The following AHI1 variants were observed in gnomAD, a reference collection of about 807,000 sequenced individuals.
AHI1 encodes the protein Abelson helper integration site 1.
Under a neutral mutation model 149.3 loss-of-function variants are expected in AHI1, and 123 were observed. That is an observed-to-expected ratio of 0.82 (90% confidence interval 0.71 to 0.96). AHI1 has a LOEUF of 0.96. AHI1 is among the 40% of genes least tolerant of loss of function. The pLI is 0.00. For synonymous variants in AHI1, 475 were observed against 459.8 expected (o/e 1.03, Z -0.42); for missense variants, 1,439 against 1,422.7 (o/e 1.01, Z -0.18).
chr6:135,295,732 A>G (rs1306176366), intron 27 of AHI1, among the ~76,000 whole-genome samples: 1 of 152,238 alleles, frequency 6.6e-6, no homozygotes, highest in Non-Finnish European at 1.5e-5. Context: ...AAGATGTAGG[A>G]GGGCAAAATT....
intron 23 of AHI1, among the ~76,000 whole-genome samples, chr6:135,390,330 C>G (rs560761766): frequency 5.9e-5 from 9 of 152,176 alleles, no homozygotes; most frequent in Non-Finnish European, 8.8e-5. Context: ...GATGTAAGTT[C>G]ATTAATCCTC....
chr6:135,392,335 T>A (rs778644995), intron 23 of AHI1, among the ~76,000 whole-genome samples: 1 of 152,156 alleles, frequency 6.6e-6, no homozygotes, highest in Non-Finnish European at 1.5e-5. Context: ...TTTCTAGCAG[T>A]CTCCGTTACC....
Position 135,442,569 on chromosome 6 carries a change from G to GATT in AHI1, c.1912+10_1912+12dup, listed in dbSNP as rs1213240496. On this transcript the variant is annotated intron_variant, in intron 14 of 28. Transcript: ENST00000265602. ...GACTACAATCAGATTAAACAGGTAG[G>GATT]ATTATTACTCACAAATAATTGGATA... 6.2e-7 allele frequency: 1 copy of GATT among 1,602,538 alleles called. No individual in the cohort carries two copies. Among genetic ancestry groups the GATT allele is most frequent in the African/African-American group, 1.3e-5 (1 of 74,728 alleles).
At chr6:135,364,039 T>C (rs1582832647) in intron 23 of AHI1, among the ~76,000 whole-genome samples, 9 of 137,224 alleles carry the variant, frequency 6.6e-5, no homozygotes, top group East Asian at 2.2e-4. Flanking sequence ...GCCCCTCACC[T>C]CCCGGACAGG....
At chr6:135,363,863 C>G (rs1183791931) in intron 23 of AHI1, among the ~76,000 whole-genome samples, 1 of 149,926 alleles carries the variant, frequency 6.7e-6, no homozygotes, top group Non-Finnish European at 1.5e-5. Context: ...CCCCTCACCC[C>G]CCGGACGGGG....
chr6:135,318,091 T>A (rs1786252415), intron 26 of AHI1, among the ~76,000 whole-genome samples: 1 of 152,230 alleles, frequency 6.6e-6, no homozygotes, highest in African/African-American at 2.4e-5. Flanking sequence ...AAAAACATTT[T>A]AAATTATTTG....
chr6:135,474,032 T>C (rs149425125), intron 5 of AHI1, among the ~76,000 whole-genome samples: 51 of 152,302 alleles, frequency 3.3e-4, no homozygotes, highest in African/African-American at 1.1e-3. Context: ...TTCAACACTT[T>C]ATTACAAAAT....
intron 23 of AHI1, among the ~76,000 whole-genome samples, chr6:135,360,567 C>A (rs977457470): frequency 1.3e-5 from 2 of 152,286 alleles, no homozygotes; most frequent in African/African-American, 4.8e-5. Context: ...TAAAGTAAAT[C>A]TTTCTCTCTC....
intron 23 of AHI1, among the ~76,000 whole-genome samples, chr6:135,386,236 AAAACATTTTTGGT>A (rs1337703480): frequency 9.2e-5 from 14 of 152,092 alleles, no homozygotes; most frequent in East Asian, 7.7e-4. Context: ...CAATTGTAAC[AAAACATTTTTGGT>A]AAAAAAAAAA....
chr6:135,427,166 C>T lies in AHI1; in HGVS notation c.2764+1G>A. The T allele has an allele frequency of 6.2e-7, 1 of 1,608,824 alleles. No homozygotes were observed. The highest frequency in any genetic ancestry group is 8.5e-7 in the Non-Finnish European group (1 of 1,176,760). ...CTTTACTTATCAAGTGGTAGACTTA[C>T]CATGGAAATCGTAAATATACAGAAG... On this transcript the variant is annotated splice_donor_variant, in intron 20 of 28. Coordinates refer to ENST00000265602, the MANE Select transcript of AHI1 (RefSeq NM_001134831.2). LOFTEE classifies it high-confidence loss of function.
At chr6:135,377,838 C>G (rs576361507) in intron 23 of AHI1, among the ~76,000 whole-genome samples, 3 of 152,012 alleles carry the variant, frequency 2.0e-5, no homozygotes, top group African/African-American at 7.2e-5. Context: ...ATAGAGCACT[C>G]CTTCTCAACT....
chr6:135,434,460 AAGAT>A (rs1785100429), intron 15 of AHI1, among the ~76,000 whole-genome samples: 2 of 152,088 alleles, frequency 1.3e-5, no homozygotes, highest in Admixed American at 1.3e-4. Flanking sequence ...AAATATTAAA[AAGAT>A]AGATGAAAAA....
intron 23 of AHI1, chr6:135,388,006 C>CT: frequency 6.2e-7 from 1 of 1,613,700 alleles, no homozygotes; most frequent in Non-Finnish European, 8.5e-7. Context: ...CCATAATATA[C>CT]ATGTGTTGAA....
At chr6:135,353,350 T>C (rs562203592) in intron 24 of AHI1, among the ~76,000 whole-genome samples, 1 of 152,222 alleles carries the variant, frequency 6.6e-6, no homozygotes, top group East Asian at 1.9e-4. Context: ...GGCCATGGGT[T>C]CTATTTTATG....
intron 2 of AHI1, among the ~76,000 whole-genome samples, chr6:135,496,337 T>C (rs1456343327): frequency 6.6e-6 from 1 of 152,140 alleles, no homozygotes. Context: ...AGGCTGATAC[T>C]GAACTCCTGA....
intron 23 of AHI1, among the ~76,000 whole-genome samples, chr6:135,372,508 GA>G (rs1212767738): frequency 9.4e-5 from 9 of 96,230 alleles, no homozygotes; most frequent in African/African-American, 2.8e-4. Context: ...GTCTCTACCG[GA>G]AAAAAAAAGA....
intron 15 of AHI1, among the ~76,000 whole-genome samples, chr6:135,433,681 G>A (rs1337789956): frequency 6.6e-6 from 1 of 151,766 alleles, no homozygotes; most frequent in African/African-American, 2.4e-5. Flanking sequence ...TATTAATGGG[G>A]GTTTAGAGAA....
At chr6:135,291,081 T>C (rs1256338181) in intron 27 of AHI1, among the ~76,000 whole-genome samples, 3 of 151,976 alleles carry the variant, frequency 2.0e-5, no homozygotes, top group Non-Finnish European at 4.4e-5. Flanking sequence ...ATAAAACAAA[T>C]GTTTTGTGGA....
intron 23 of AHI1, among the ~76,000 whole-genome samples, chr6:135,379,087 G>A (rs1024164529): frequency 1.3e-5 from 2 of 152,106 alleles, no homozygotes; most frequent in Non-Finnish European, 2.9e-5. Flanking sequence ...TTGACTCATA[G>A]TAGGATATTT....
Sources: gnomAD v4.1 joint callset for allele counts (sites outside exome capture counted in the v4.1 genomes callset) on GRCh38, gnomAD v4.1.1 for gene constraint, MANE v1.5 for transcripts, NCBI Gene and HGNC (gene_info 2026-07-23, HGNC 2026-07-21) for gene names.